MYSM1: variants seen among roughly 807,000 people sequenced by gnomAD.
The protein encoded by MYSM1 is Myb like, SWIRM and MPN domains 1.
Under a neutral mutation model 116.0 loss-of-function variants are expected in MYSM1, and 51 were observed. That is an observed-to-expected ratio of 0.44 (90% confidence interval 0.35 to 0.56). MYSM1 has a LOEUF of 0.56. Ranked by LOEUF, MYSM1 falls within the 20% of genes least tolerant of loss-of-function variation. MYSM1 has a pLI of 0.00. For synonymous variants in MYSM1, 313 were observed against 315.2 expected (o/e 0.99, Z 0.07); for missense variants, 900 against 974.9 (o/e 0.92, Z 1.02).
intron 5 of MYSM1, among the ~76,000 whole-genome samples, chr1:58,690,001 T>C (rs1644880436): frequency 6.6e-6 from 1 of 152,118 alleles, no homozygotes; most frequent in South Asian, 2.1e-4. Context: ...TTTTTCACAA[T>C]CTGAAAGAAT....
In MYSM1 at chr1:58,661,163, A is replaced by T; in HGVS notation, c.2328+7T>A. 1.9e-6 allele frequency: 3 copies of T among 1,608,378 alleles called. No individual in the cohort carries two copies. The highest frequency in any genetic ancestry group is 2.2e-5 in the South Asian group (2 of 90,942). Reference sequence around the variant, plus strand: ...CAATGGAACCAATTAAAATGAAGACAGCTTACTTTCTGCAAACAAGTCAGG... The same window carrying T: ...CAATGGAACCAATTAAAATGAAGACTGCTTACTTTCTGCAAACAAGTCAGG... On this transcript the variant is annotated splice_region_variant and intron_variant, in intron 19 of 19. Coordinates refer to ENST00000472487, the MANE Select transcript of MYSM1 (RefSeq NM_001085487.3).
intron 9 of MYSM1, among the ~76,000 whole-genome samples, chr1:58,676,579 T>C (rs1351190782): frequency 6.6e-6 from 1 of 152,190 alleles, no homozygotes; most frequent in African/African-American, 2.4e-5. Flanking sequence ...TGCTAGGTAG[T>C]ATTTCTAGCA....
intron 1 of MYSM1, 32 bp downstream of exon 1, chr1:58,699,953 C>T (rs899808267): frequency 6.2e-7 from 1 of 1,612,726 alleles, no homozygotes; most frequent in Non-Finnish European, 8.5e-7. Context: ...CTCCCCTCTC[C>T]GCCCCAGAGA....
In MYSM1 at chr1:58,681,871, T is replaced by A; in HGVS notation, c.1173A>T (p.Lys391Asn). ...CCTCAAAAAACTCAGGAATTGCTTG[T>A]TTTTCTTCTTCTTGAATGATATTTC... is the stretch of plus-strand genomic sequence containing the variant. ...IDRNIIQEEE[K>N]QAIPEFFEGR... Residue 391 changes from lysine (K) to asparagine (N), a missense_variant, in exon 8 of 20, where the codon AAA becomes AAT. Coordinates refer to ENST00000472487, the MANE Select transcript of MYSM1 (RefSeq NM_001085487.3). The A allele has an allele frequency of 6.2e-7, 1 of 1,613,584 alleles. No homozygotes were observed. The highest frequency in any genetic ancestry group is 1.3e-5 in the African/African-American group (1 of 75,012).
rs1644314055 is a variant in MYSM1 at position 58,655,916 on chromosome 1, G to C, written c.*4081C>G. 6.6e-6 allele frequency: 1 copy of C among 152,054 alleles called. No individual in the cohort carries two copies. The highest frequency in any genetic ancestry group is 1.5e-5 in the Non-Finnish European group (1 of 67,998). The allele number at this position is 152,054 out of a possible 1,614,324, so 9.4% of individuals were successfully genotyped here. On this transcript the variant is annotated 3_prime_UTR_variant, in exon 20 of 20. Coordinates refer to ENST00000472487, the MANE Select transcript of MYSM1 (RefSeq NM_001085487.3). ...AGGTGAAAAAAAAAATAAAATTTGG[G>C]CACCCTTACTGAATTTCTACTGAGA...
intron 6 of MYSM1, 97 bp from the exon 7 acceptor site, chr1:58,685,348 A>G: frequency 1.4e-6 from 1 of 721,658 alleles, no homozygotes; most frequent in East Asian, 2.8e-5. Flanking sequence ...ACTTAAAAAA[A>G]AATACATCTT....
At chr1:58,698,103 T>TATATATATATATATATATATATA (rs1491530995) in intron 1 of MYSM1, among the ~76,000 whole-genome samples, 8 of 16,692 alleles carry the variant, frequency 4.8e-4, no homozygotes, top group African/African-American at 1.5e-3. Context: ...TATATATATA[T>TATATATATATATATATATATATA]TTTTTTTTTT....
chr1:58,668,222 G>C (rs1644504246), intron 14 of MYSM1, among the ~76,000 whole-genome samples: 1 of 152,150 alleles, frequency 6.6e-6, no homozygotes, highest in Non-Finnish European at 1.5e-5. Flanking sequence ...ATTATGTAAG[G>C]ATACAAAGTA....
At chr1:58,661,617 T>C in intron 17 of MYSM1, 106 bp from the exon 18 acceptor site, 1 of 628,604 alleles carries the variant, frequency 1.6e-6, no homozygotes. Flanking sequence ...GCCATAGCTT[T>C]GCAGATCAGC....
chr1:58,689,368 C>T (rs1323197596), intron 5 of MYSM1: 1 of 358,992 alleles, frequency 2.8e-6, no homozygotes, highest in African/African-American at 2.1e-5. Context: ...GAGGGTAACA[C>T]TAAAAGACAT....
At chr1:58,674,825 G>A (rs957530923) in intron 10 of MYSM1, among the ~76,000 whole-genome samples, 3 of 151,488 alleles carry the variant, frequency 2.0e-5, no homozygotes, top group African/African-American at 7.3e-5. Flanking sequence ...TACTCGGGAG[G>A]CTGAGGCATG....
At chr1:58,699,584 G>A in intron 1 of MYSM1, 1 of 973,180 alleles carries the variant, frequency 1.0e-6, no homozygotes, top group Non-Finnish European at 1.2e-6. Flanking sequence ...CTCGCCCAAG[G>A]TCACACGGCT....
Position 58,688,973 on chromosome 1 carries a change from T to A in MYSM1, c.399+65A>T, listed in dbSNP as rs1569790959. On this transcript the variant is annotated intron_variant, in intron 6 of 19. Coordinates refer to ENST00000472487, the MANE Select transcript of MYSM1 (RefSeq NM_001085487.3). Reference sequence around the variant, plus strand: ...CAGGTCTCTATAAATTAATTTAACCTTATAACTTTACCAATATTTGCTTCT... The same window carrying A: ...CAGGTCTCTATAAATTAATTTAACCATATAACTTTACCAATATTTGCTTCT... 5 of 1,411,436 alleles carry A rather than the reference T, an allele frequency of 3.5e-6. No homozygotes were observed. In the South Asian group the frequency reaches 6.3e-5, roughly 18 times the overall value. The allele number at this position is 1,411,436 out of a possible 1,614,324, so 87.4% of individuals were successfully genotyped here. A position where few individuals can be genotyped will look rare whatever the true frequency, so the allele number is the denominator to read the frequency against.
chr1:58,700,006 G>C lies in MYSM1; in HGVS notation c.47C>G (p.Ala16Gly). Residue 16 changes from alanine to glycine, a missense_variant, in exon 1 of 20, where the codon GCG (alanine) becomes GGG (glycine). Around this residue, in one of 3 missense-constraint regions of MYSM1, gnomAD observed 622 missense variants for 623.7 expected, o/e 1.00. Transcript: ENST00000472487. Reference protein sequence around the residue: ...ADVDIEGDVVAAAGAQPGSGE... With the variant: ...ADVDIEGDVVGAAGAQPGSGE... ...TCACCCTGGCTGTGCCCCCGCCGCC[G>C]CTACCACGTCCCCTTCGATATCCAC... 6.2e-7 allele frequency: 1 copy of C among 1,613,514 alleles called. No homozygotes were observed. The highest frequency in any genetic ancestry group is 1.1e-5 in the South Asian group (1 of 91,086).
At chr1:58,699,095 GCTTT>G (rs1645025909) in intron 1 of MYSM1, among the ~76,000 whole-genome samples, 1 of 152,164 alleles carries the variant, frequency 6.6e-6, no homozygotes, top group African/African-American at 2.4e-5. Context: ...TAGAACTCAG[GCTTT>G]CTGATTCCTG....
intron 12 of MYSM1, 32 bp downstream of exon 12, chr1:58,671,838 T>C (rs1644566247): frequency 6.6e-7 from 1 of 1,513,022 alleles, no homozygotes; most frequent in African/African-American, 1.4e-5. Context: ...TTGTGATAAA[T>C]GTTTAAAAAC....
intron 7 of MYSM1, among the ~76,000 whole-genome samples, chr1:58,683,434 T>C (rs1377089699): frequency 6.6e-6 from 1 of 152,142 alleles, no homozygotes; most frequent in Non-Finnish European, 1.5e-5. Flanking sequence ...GCTTATTTAA[T>C]GAGCTTATAT....
intron 8 of MYSM1, among the ~76,000 whole-genome samples, chr1:58,679,888 C>T (rs912128683): frequency 3.3e-4 from 50 of 151,932 alleles, no homozygotes; most frequent in African/African-American, 1.0e-3. Context: ...ATTAGCCGGG[C>T]GTGGTGGCAC....
intron 19 of MYSM1, among the ~76,000 whole-genome samples, chr1:58,660,622 A>G (rs1644377225): frequency 6.6e-6 from 1 of 152,128 alleles, no homozygotes; most frequent in Non-Finnish European, 1.5e-5. Context: ...TATAACAGAA[A>G]GGAGTAAAAC....
Sources: gnomAD v4.1 joint callset for allele counts (sites outside exome capture counted in the v4.1 genomes callset) on GRCh38, gnomAD v4.1.1 for gene constraint, gnomAD v4.1.1 regional missense constraint, MANE v1.5 for transcripts, NCBI Gene and HGNC (gene_info 2026-07-23, HGNC 2026-07-21) for gene names.